The following MBNL3 variants were observed in gnomAD, a reference collection of about 807,000 sequenced individuals.
MBNL3 encodes muscleblind like splicing regulator 3, also known as muscleblind-like protein 3.
A neutral mutation model predicts 24.5 loss-of-function variants in MBNL3; 6 were observed. The observed-to-expected ratio is 0.25, with a 90% confidence interval of 0.13 to 0.48. The LOEUF (loss-of-function observed/expected upper bound fraction) is 0.48, where lower values mean the gene tolerates loss of function less well. Among genes scored for constraint, MBNL3 ranks in the 20% least tolerant of loss-of-function variants. MBNL3 has a pLI of 0.99. For synonymous variants in MBNL3, 100 were observed against 101.7 expected, an observed-to-expected ratio of 0.98 and a Z score of 0.10; for missense variants, 230 against 293.5, an observed-to-expected ratio of 0.78 and a Z score of 1.58.
intron 1 of MBNL3, among the ~76,000 whole-genome samples, chrX:132,486,387 C>A (rs2148557759): frequency 8.9e-6 from 1 of 111,752 alleles, no homozygotes; most frequent in African/African-American, 3.3e-5. Context: ...ACTATACAAT[C>A]ACTCAAAAGA....
rs59093044 is a variant in MBNL3, at chrX:132,390,265, C to CAA, written c.771+580_771+581dup. 2.8e-3 allele frequency among the ~76,000 whole-genome samples: 87 copies of CAA among 31,500 alleles called. 1 individual carries two copies. The highest frequency in any genetic ancestry group is 6.5e-3 in the East Asian group (5 of 767). 27.4% of individuals were successfully genotyped at this position (31,500 alleles called of 115,157 possible). On this transcript the variant is annotated intron_variant, in intron 5 of 8. Transcript: ENST00000370853. ...AAACAAAACAAAACAACAACAACAA[C>CAA]AAAAAAAAAAAAAAAAAAAAAAAAA...
intron 1 of MBNL3, among the ~76,000 whole-genome samples, chrX:132,457,092 T>C (rs1946408458): frequency 8.9e-6 from 1 of 111,837 alleles, no homozygotes; most frequent in African/African-American, 3.2e-5. Flanking sequence ...TAGGAAGCTA[T>C]AATACTACAA....
At chrX:132,404,453 G>A (rs1452203691) in intron 3 of MBNL3, among the ~76,000 whole-genome samples, 1 of 112,100 alleles carries the variant, frequency 8.9e-6, no homozygotes, top group Non-Finnish European at 1.9e-5. Flanking sequence ...AAGCGTTTGC[G>A]CAAGGAGTTC....
intron 1 of MBNL3, among the ~76,000 whole-genome samples, chrX:132,450,563 T>G (rs764296866): frequency 8.9e-6 from 1 of 112,125 alleles, no homozygotes; most frequent in Non-Finnish European, 1.9e-5. Context: ...TAGCAATACC[T>G]CTAACCTTTT....
intron 2 of MBNL3, chrX:132,437,952 A>G: frequency 3.7e-6 from 2 of 547,458 alleles, no homozygotes; most frequent in Non-Finnish European, 4.4e-6. Context: ...GTCTGCAAAA[A>G]AAAACAAAAA....
Position 132,379,647 on chromosome X carries a change from T to C in MBNL3, c.*19A>G. 1.7e-6 allele frequency: 2 copies of C among 1,195,216 alleles called. No individual in the cohort carries two copies. Among genetic ancestry groups the C allele is most frequent in the Non-Finnish European group, 2.3e-6 (2 of 883,874 alleles). On this transcript the variant is annotated 3_prime_UTR_variant, in exon 9 of 9. Transcript: ENST00000370853. ...GGAGGTTTCCATGGAAAGATTCTGA[T>C]ACTCCATAACTCTGCTGTTCAGAAT...
At chrX:132,396,381 C>CCT (rs1556294661) in intron 3 of MBNL3, among the ~76,000 whole-genome samples, 47 of 76,009 alleles carry the variant, frequency 6.2e-4, no homozygotes, top group Non-Finnish European at 5.5e-4. Context: ...CATATATATT[C>CCT]ATATATATAT....
chrX:132,382,250 T>C lies in MBNL3; in HGVS notation c.981A>G (p.Thr327=). The change falls in exon 8 of 9, where the codon ACA becomes ACG. Residue 327 remains threonine, a synonymous_variant. Transcript: ENST00000370853. ...TTGTTGCTGCAGACACAGTGGTAGG[T>C]GTAGCACCGTGCATCATGGGCACTT... is the stretch of plus-strand genomic sequence containing the variant. The part of the protein sequence containing the change: ...SNIVPMMHGA[T]PTTVSAATTP... 8.3e-7 allele frequency: 1 copy of C among 1,203,964 alleles called. No homozygotes were observed. Among genetic ancestry groups the C allele is most frequent in the East Asian group, 3.0e-5 (1 of 33,729 alleles).
chrX:132,474,173 G>C (rs935233978), intron 1 of MBNL3, among the ~76,000 whole-genome samples: 1 of 111,404 alleles, frequency 9.0e-6, no homozygotes, highest in Non-Finnish European at 1.9e-5. Flanking sequence ...GTTGTCAGAC[G>C]CAACATAAGG....
intron 2 of MBNL3, among the ~76,000 whole-genome samples, chrX:132,427,592 T>C (rs776327729): frequency 1.8e-5 from 2 of 111,883 alleles, no homozygotes; most frequent in Non-Finnish European, 3.8e-5. Context: ...AACAAAGATA[T>C]TAAGACAATG....
chrX:132,373,283 T>C lies in MBNL3; in HGVS notation c.*6383A>G. ...CCTTAGAAAAATACATTCTTGAATC[T>C]GGCATATTCACAAAGAAATGTCCAT... On this transcript the variant is annotated 3_prime_UTR_variant, in exon 9 of 9. Transcript: ENST00000370853. 1 of 111,785 alleles carries C rather than the reference T, an allele frequency of 8.9e-6. No homozygotes were observed. The highest frequency in any genetic ancestry group is 2.8e-4 in the East Asian group (1 of 3,577). 9.2% of individuals were successfully genotyped at this position (111,785 alleles called of 1,213,427 possible).
rs1380417733 is a variant in MBNL3, at chrX:132,396,857, CAT to C, written c.343-4525_343-4524del. Among the ~76,000 whole-genome samples, 42 of 29,735 alleles carry C rather than the reference CAT, an allele frequency of 1.4e-3. No individual in the cohort carries two copies. The South Asian group carries it at 0.033, about 23-fold the overall frequency. 25.8% of individuals were successfully genotyped at this position (29,735 alleles called of 115,157 possible). On this transcript the variant is annotated intron_variant, in intron 3 of 8. Transcript: ENST00000370853. The stretch of plus-strand genomic sequence containing the variant: ...ATATATTCATATATACATATATATT[CAT>C]ATATATATTCATATATACATATATA...
chrX:132,465,546 G>A (rs1218609428), intron 1 of MBNL3, among the ~76,000 whole-genome samples: 2 of 112,058 alleles, frequency 1.8e-5, no homozygotes, highest in Admixed American at 9.4e-5. Context: ...CTGGTAAATC[G>A]AACCTTAAAA....
chrX:132,439,514 G>T lies in MBNL3; in HGVS notation c.98C>A (p.Ala33Glu), dbSNP rs773369240. The T allele has an allele frequency of 8.3e-7, 1 of 1,208,626 alleles. No individual in the cohort carries two copies. The highest frequency in any genetic ancestry group is 1.8e-5 in the South Asian group (1 of 56,434). Residue 33 changes from alanine to glutamate, a missense_variant, in exon 2 of 9, where the codon GCA becomes GAA. Physicochemically the swap from Ala to Glu is moderately radical, Grantham distance 107 (BLOSUM62 -1). Coordinates refer to ENST00000370853, the MANE Select transcript of MBNL3 (RefSeq NM_001386889.1). Reference protein sequence around the residue: ...FQRGTCSRADADCKFAHPPRV... With the variant: ...FQRGTCSRADEDCKFAHPPRV... ...TGGTGGATGGGCAAACTTGCAATCT[G>T]CATCAGCTCGAGAGCAAGTTCCTCT...
At chrX:132,383,631 A>G (rs920609784) in intron 7 of MBNL3, among the ~76,000 whole-genome samples, 1 of 112,342 alleles carries the variant, frequency 8.9e-6, no homozygotes, top group Non-Finnish European at 1.9e-5. Flanking sequence ...ATTAATTCCT[A>G]CAGAAGACAG....
intron 2 of MBNL3, among the ~76,000 whole-genome samples, chrX:132,418,868 G>A (rs1275928055): frequency 1.8e-5 from 2 of 112,337 alleles, no homozygotes; most frequent in African/African-American, 6.5e-5. Context: ...AACTTCCCCA[G>A]GCTGAGGTAA....
intron 1 of MBNL3, among the ~76,000 whole-genome samples, chrX:132,464,906 G>A (rs752756471): frequency 4.5e-5 from 5 of 110,967 alleles, no homozygotes; most frequent in South Asian, 3.9e-4. Flanking sequence ...TTAGCTGGGC[G>A]TGGTGGCATG....
intron 1 of MBNL3, among the ~76,000 whole-genome samples, chrX:132,466,133 C>T: frequency 8.9e-6 from 1 of 112,314 alleles, no homozygotes; most frequent in Admixed American, 9.4e-5. Flanking sequence ...ATATTTGTCT[C>T]TTTTAATCAA....
intron 2 of MBNL3, chrX:132,413,369 T>A (rs985656189): frequency 1.7e-6 from 1 of 575,001 alleles, no homozygotes; most frequent in Non-Finnish European, 2.6e-6. Flanking sequence ...TTTTTTAGTA[T>A]AAGTATGCCC....
Sources: allele counts gnomAD v4.1 joint callset (sites outside exome capture counted in the v4.1 genomes callset), GRCh38; gene constraint gnomAD v4.1.1; transcripts MANE v1.5; gene names NCBI Gene and HGNC (gene_info 2026-07-23, HGNC 2026-07-21).